The following CDC73 variants were observed in gnomAD, a reference collection of about 807,000 sequenced individuals.
The protein encoded by CDC73 is cell division cycle 73.
CDC73 carries 21 observed loss-of-function variants against 83.7 expected under a neutral mutation model. The ratio of observed to expected loss-of-function variants is 0.25; its 90% CI spans 0.18 to 0.36. CDC73 has a LOEUF of 0.36. CDC73 is among the 10% of genes least tolerant of loss of function. The pLI, the probability that CDC73 is intolerant of heterozygous loss-of-function variation, is 1.00. For synonymous variants in CDC73, 224 were observed against 212.9 expected (o/e 1.05, Z -0.45); for missense variants, 342 against 653.3 (o/e 0.52, Z 5.19).
intron 9 of CDC73, among the ~76,000 whole-genome samples, chr1:193,150,742 A>T (rs142152907): frequency 3.9e-4 from 59 of 152,292 alleles, no homozygotes; most frequent in African/African-American, 1.4e-3. Flanking sequence ...TTTTTGTGTG[A>T]ATTTTAATGT....
At chr1:193,216,806 A>T (rs1218468277) in intron 13 of CDC73, among the ~76,000 whole-genome samples, 1 of 152,228 alleles carries the variant, frequency 6.6e-6, no homozygotes, top group African/African-American at 2.4e-5. Context: ...CAAATCAGTA[A>T]ACATGATTCG....
intron 7 of CDC73, among the ~76,000 whole-genome samples, chr1:193,143,766 T>C (rs1675946534): frequency 6.6e-6 from 1 of 152,172 alleles, no homozygotes; most frequent in Admixed American, 6.5e-5. Context: ...TTATTACTAG[T>C]TATCAGGGCT....
At chr1:193,234,290 T>TATAATATATATAATATATATAA (rs1677719609) in intron 14 of CDC73, among the ~76,000 whole-genome samples, 1 of 118,756 alleles carries the variant, frequency 8.4e-6, no homozygotes, top group African/African-American at 3.4e-5. Context: ...AATATACATA[T>TATAATATATATAATATATATAA]TATATATATA....
intron 13 of CDC73, among the ~76,000 whole-genome samples, chr1:193,225,545 T>C (rs1178966795): frequency 6.6e-6 from 1 of 152,156 alleles, no homozygotes; most frequent in Admixed American, 6.6e-5. Context: ...GTGTTCCCTT[T>C]TCACTTCATC....
Position 193,250,807 on chromosome 1 carries a change from T to A in CDC73, c.*95T>A, listed in dbSNP as rs780435158. 1 of 1,109,258 alleles carries A rather than the reference T, an allele frequency of 9.0e-7. No homozygotes were observed. The highest frequency in any genetic ancestry group is 1.4e-6 in the Non-Finnish European group (1 of 728,214). 68.7% of individuals were successfully genotyped at this position (1,109,258 alleles called of 1,614,324 possible). A position where few individuals can be genotyped will look rare whatever the true frequency, so the allele number is the denominator to read the frequency against. ...AAGAAGGTCACAGATTGATCTTTTA[T>A]AAGACCTTATTTGATGCTTTGTGCT... On this transcript the variant is annotated 3_prime_UTR_variant, in exon 17 of 17. Coordinates refer to ENST00000367435, the MANE Select transcript of CDC73 (RefSeq NM_024529.5).
chr1:193,186,702 A>G (rs897014076), intron 10 of CDC73: 4 of 152,132 alleles, frequency 2.6e-5, no homozygotes, highest in Non-Finnish European at 5.9e-5. Context: ...CATTTTGACT[A>G]AAAACCTAAG....
In CDC73 at chr1:193,122,592, A is replaced by T; in HGVS notation, c.131+261A>T. 3 of 455,592 alleles carry T rather than the reference A, an allele frequency of 6.6e-6. No individual in the cohort carries two copies. The South Asian group carries it at 6.6e-5, about 10-fold the overall frequency. The allele number at this position is 455,592 out of a possible 1,614,324, so 28.2% of individuals were successfully genotyped here. ...GTGGGAGTTTCTGACTTTTACAGTT[A>T]ATTTTTATCAGTAGGTATGTGTACC... is the stretch of plus-strand genomic sequence containing the variant. On this transcript the variant is annotated intron_variant, in intron 1 of 16. Transcript: ENST00000367435.
intron 10 of CDC73, among the ~76,000 whole-genome samples, chr1:193,153,495 A>G (rs1010806530): frequency 1.3e-5 from 2 of 152,224 alleles, no homozygotes; most frequent in Admixed American, 6.5e-5. Context: ...CGGACTCTAT[A>G]TAACATGGAA....
intron 6 of CDC73, among the ~76,000 whole-genome samples, chr1:193,141,584 G>A (rs1675907385): frequency 6.6e-6 from 1 of 151,998 alleles, no homozygotes; most frequent in African/African-American, 2.4e-5. Context: ...GCTTTTTTGT[G>A]GGGAAGAGAT....
At chr1:193,228,443 A>G (rs1439387771) in intron 13 of CDC73, among the ~76,000 whole-genome samples, 2 of 152,240 alleles carry the variant, frequency 1.3e-5, no homozygotes, top group African/African-American at 4.8e-5. Context: ...AAGACTTACT[A>G]TCAAGTTGCA....
intron 13 of CDC73, among the ~76,000 whole-genome samples, chr1:193,229,754 C>G (rs1164173148): frequency 2.6e-5 from 4 of 152,190 alleles, no homozygotes; most frequent in African/African-American, 9.7e-5. Flanking sequence ...ATACATCCCA[C>G]AGCAGGTATG....
intron 1 of CDC73, 91 bp from the exon 2 acceptor site, chr1:193,125,021 G>A (rs1366681989): frequency 8.0e-6 from 6 of 752,624 alleles, no homozygotes; most frequent in Non-Finnish European, 1.5e-5. Context: ...TAAACTCATT[G>A]TTGTTAGCAA....
intron 11 of CDC73, among the ~76,000 whole-genome samples, chr1:193,207,406 C>A (rs1233545300): frequency 6.6e-6 from 1 of 152,086 alleles, no homozygotes; most frequent in African/African-American, 2.4e-5. Flanking sequence ...CCAAAATTTA[C>A]CAGGCTGGAA....
At chr1:193,160,594 T>G (rs1459559778) in intron 10 of CDC73, among the ~76,000 whole-genome samples, 3 of 152,006 alleles carry the variant, frequency 2.0e-5, no homozygotes, top group Non-Finnish European at 4.4e-5. Flanking sequence ...CAGTGTAACT[T>G]TAATTCAATT....
chr1:193,141,496 C>A (rs544408367), intron 6 of CDC73, among the ~76,000 whole-genome samples: 1 of 151,994 alleles, frequency 6.6e-6, no homozygotes, highest in Non-Finnish European at 1.5e-5. Flanking sequence ...TACCTCCTTC[C>A]AAAGTGGCAT....
At chr1:193,145,176 A>G (rs1283551271) in intron 7 of CDC73, among the ~76,000 whole-genome samples, 1 of 152,254 alleles carries the variant, frequency 6.6e-6, no homozygotes, top group Non-Finnish European at 1.5e-5. Flanking sequence ...ATGGGTAGAA[A>G]GTTCATTTAA....
At chr1:193,142,905 AT>A (rs1004966408) in intron 7 of CDC73, among the ~76,000 whole-genome samples, 6 of 152,112 alleles carry the variant, frequency 3.9e-5, no homozygotes, top group Admixed American at 6.5e-5. Flanking sequence ...ATGTACTTTC[AT>A]TTGTCTTTTC....
chr1:193,235,571 T>A (rs1364464475), intron 14 of CDC73, among the ~76,000 whole-genome samples: 1 of 152,236 alleles, frequency 6.6e-6, no homozygotes, highest in African/African-American at 2.4e-5. Flanking sequence ...AATTAAGTAT[T>A]TTATAAAATA....
At chr1:193,138,559 G>A (rs1176291544) in intron 6 of CDC73, among the ~76,000 whole-genome samples, 2 of 152,094 alleles carry the variant, frequency 1.3e-5, no homozygotes, top group Non-Finnish European at 2.9e-5. Flanking sequence ...TGTGGTGTGG[G>A]GAAAGCAGCC....
Sources: allele counts gnomAD v4.1 joint callset (sites outside exome capture counted in the v4.1 genomes callset), GRCh38; gene constraint gnomAD v4.1.1; transcripts MANE v1.5; gene names NCBI Gene and HGNC (gene_info 2026-07-23, HGNC 2026-07-21).